CLSTN2: variants seen among roughly 807,000 people sequenced by gnomAD.
The protein encoded by CLSTN2 is calsyntenin-2.
Under a neutral mutation model 101.2 loss-of-function variants are expected in CLSTN2, and 48 were observed. That is an observed-to-expected ratio of 0.47 (90% CI 0.38 to 0.60). The LOEUF (loss-of-function observed/expected upper bound fraction) is 0.60, where lower values mean the gene tolerates loss of function less well. Among genes scored for constraint, CLSTN2 ranks in the 20% least tolerant of loss-of-function variants. CLSTN2 has a pLI of 0.00. For synonymous variants in CLSTN2, 481 were observed against 463.6 expected (o/e 1.04, Z -0.48); for missense variants, 1,160 against 1,238.2 (o/e 0.94, Z 0.95).
At chr3:140,022,545 G>A (rs1202624915) in intron 1 of CLSTN2, among the ~76,000 whole-genome samples, 1 of 152,202 alleles carries the variant, frequency 6.6e-6, no homozygotes, top group Admixed American at 6.5e-5. Context: ...CAGGAGACTG[G>A]GCGCTGCAGG....
At chr3:139,991,219 C>G (rs559302736) in intron 1 of CLSTN2, among the ~76,000 whole-genome samples, 18 of 152,236 alleles carry the variant, frequency 1.2e-4, no homozygotes, top group African/African-American at 4.1e-4. Context: ...CTATTTTATA[C>G]GTGGCTAATT....
intron 10 of CLSTN2, among the ~76,000 whole-genome samples, chr3:140,551,037 A>T: frequency 6.6e-6 from 1 of 151,874 alleles, no homozygotes; most frequent in Non-Finnish European, 1.5e-5. Context: ...AAATACTATG[A>T]CCCCATTTCA....
intron 1 of CLSTN2, among the ~76,000 whole-genome samples, chr3:140,039,202 TG>T (rs2007715201): frequency 1.3e-5 from 2 of 152,224 alleles, no homozygotes; most frequent in Admixed American, 1.3e-4. Flanking sequence ...GTGGTAGTGG[TG>T]AACACACTCA....
At chr3:139,965,481 T>C (rs1029321862) in intron 1 of CLSTN2, among the ~76,000 whole-genome samples, 6 of 152,168 alleles carry the variant, frequency 3.9e-5, no homozygotes, top group Non-Finnish European at 7.4e-5. Flanking sequence ...TCCTGGGCCA[T>C]GGTCTCAGGG....
At chr3:140,261,379 T>C (rs375227058) in intron 2 of CLSTN2, among the ~76,000 whole-genome samples, 2 of 152,282 alleles carry the variant, frequency 1.3e-5, no homozygotes, top group East Asian at 1.9e-4. Context: ...TGGGAGACAT[T>C]TTTATTTGGC....
intron 5 of CLSTN2, among the ~76,000 whole-genome samples, chr3:140,441,799 A>C (rs1425662461): frequency 6.6e-6 from 1 of 151,368 alleles, no homozygotes; most frequent in African/African-American, 2.4e-5. Context: ...TAAATAACCC[A>C]CTCCCTGGCC....
intron 1 of CLSTN2, among the ~76,000 whole-genome samples, chr3:139,978,918 G>T (rs527253573): frequency 5.9e-5 from 9 of 152,282 alleles, no homozygotes; most frequent in African/African-American, 2.2e-4. Flanking sequence ...TAAATGCTAT[G>T]TTTTGGCAAC....
intron 5 of CLSTN2, among the ~76,000 whole-genome samples, chr3:140,426,824 T>C (rs2107994717): frequency 6.6e-6 from 1 of 152,298 alleles, no homozygotes; most frequent in South Asian, 2.1e-4. Context: ...CTGTTTATTT[T>C]CTTATATGGT....
chr3:139,965,180 G>T (rs1466110435), intron 1 of CLSTN2, among the ~76,000 whole-genome samples: 1 of 152,182 alleles, frequency 6.6e-6, no homozygotes, highest in Non-Finnish European at 1.5e-5. Context: ...TTAATCAAAG[G>T]TTCTATCATT....
intron 4 of CLSTN2, among the ~76,000 whole-genome samples, chr3:140,408,168 C>T (rs76703501): frequency 0.047 from 7,125 of 152,154 alleles, 326 homozygotes; most frequent in African/African-American, 0.12. Flanking sequence ...CATCCCATCC[C>T]CCAGACCAGA....
chr3:140,494,225 A>C (rs537748251), intron 8 of CLSTN2, among the ~76,000 whole-genome samples: 1 of 152,172 alleles, frequency 6.6e-6, no homozygotes, highest in Non-Finnish European at 1.5e-5. Flanking sequence ...CACCTCCTTC[A>C]AGGGTTCATC....
intron 2 of CLSTN2, among the ~76,000 whole-genome samples, chr3:140,308,711 C>T (rs558591014): frequency 3.9e-5 from 6 of 152,342 alleles, no homozygotes; most frequent in African/African-American, 7.2e-5. Flanking sequence ...AACCTCTCAA[C>T]GTACAGTGCC....
chr3:140,565,669 C>T (rs938722035), intron 16 of CLSTN2, among the ~76,000 whole-genome samples: 2 of 152,238 alleles, frequency 1.3e-5, no homozygotes, highest in African/African-American at 2.4e-5. Context: ...GTCATCCTCT[C>T]ACTGAGAAGC....
chr3:140,361,973 C>A (rs2087735161), intron 2 of CLSTN2, among the ~76,000 whole-genome samples: 1 of 152,040 alleles, frequency 6.6e-6, no homozygotes, highest in Admixed American at 6.6e-5. Context: ...AAATTGACAA[C>A]CTGATTTTGG....
chr3:140,408,441 C>T (rs2088328944), intron 4 of CLSTN2, among the ~76,000 whole-genome samples: 3 of 152,110 alleles, frequency 2.0e-5, no homozygotes, highest in African/African-American at 7.2e-5. Context: ...TGCATGGGAC[C>T]CCAGCTGTCT....
At chr3:140,336,277 T>C (rs1480567592) in intron 2 of CLSTN2, among the ~76,000 whole-genome samples, 1 of 152,188 alleles carries the variant, frequency 6.6e-6, no homozygotes, top group Non-Finnish European at 1.5e-5. Context: ...AGAACTGATA[T>C]TCATTTCTCC....
chr3:140,380,918 G>A (rs2087975158), intron 2 of CLSTN2, among the ~76,000 whole-genome samples: 1 of 152,194 alleles, frequency 6.6e-6, no homozygotes. Context: ...AGCTCAGAAA[G>A]CAGAGCATGT....
chr3:140,537,278 G>A (rs1935377974), intron 9 of CLSTN2, among the ~76,000 whole-genome samples: 1 of 152,162 alleles, frequency 6.6e-6, no homozygotes, highest in Admixed American at 6.5e-5. Flanking sequence ...TAGCACTGTG[G>A]CTGGTCAGTG....
At chr3:139,990,353 T>C (rs1936095449) in intron 1 of CLSTN2, among the ~76,000 whole-genome samples, 1 of 152,162 alleles carries the variant, frequency 6.6e-6, no homozygotes, top group African/African-American at 2.4e-5. Flanking sequence ...AGGCCCAGTG[T>C]TGAGAAAATG....
Sources: gnomAD v4.1 joint callset for allele counts (sites outside exome capture counted in the v4.1 genomes callset) on GRCh38, gnomAD v4.1.1 for gene constraint, MANE v1.5 for transcripts, NCBI Gene and HGNC (gene_info 2026-07-23, HGNC 2026-07-21) for gene names.